Variants in PPFIBP2 observed in about 807,000 individuals in gnomAD.
PPFIBP2 encodes PPFIB scaffold protein 2, also known as liprin-beta-2.
In PPFIBP2, 118 loss-of-function variants were observed where a neutral mutation model predicts 118.3. The ratio of observed to expected loss-of-function variants is 1.00; its 90% CI spans 0.86 to 1.16. The LOEUF is 1.16. Among genes scored for constraint, PPFIBP2 ranks in the 50% most tolerant of loss-of-function variants. The probability of loss-of-function intolerance (pLI) is 0.00; values close to 1 mark genes in which losing one functional copy is unlikely to be tolerated. For synonymous variants in PPFIBP2, 414 were observed against 397.4 expected, an observed-to-expected ratio of 1.04 and a Z score of -0.50; for missense variants, 1,195 against 1,073.1, an observed-to-expected ratio of 1.11 and a Z score of -1.59.
intron 1 of PPFIBP2, among the ~76,000 whole-genome samples, chr11:7,530,055 T>A (rs1003395649): frequency 1.4e-4 from 21 of 152,222 alleles, no homozygotes; most frequent in Admixed American, 1.3e-3. Context: ...GTTGTTTTTT[T>A]AACCCTGATC....
intron 5 of PPFIBP2, chr11:7,598,217 A>C (rs761547590): frequency 3.7e-6 from 1 of 273,418 alleles, no homozygotes. Flanking sequence ...TTATGTGTAC[A>C]TGTACTTTCC....
At position 7,642,491 on chromosome 11, in the gene PPFIBP2, T is replaced by A. The variant is rs975226042; in HGVS notation, c.1646+65T>A. On this transcript the variant is annotated intron_variant, in intron 17 of 23. Transcript: ENST00000299492. ...AAAAAGAAGTATCTCCCTTCAAACCTGCATGGGTGAATCTTTACTCCTGTG... is the reference window on the plus strand; with the variant it reads ...AAAAAGAAGTATCTCCCTTCAAACCAGCATGGGTGAATCTTTACTCCTGTG... The A allele has an allele frequency of 3.9e-5, 59 of 1,526,260 alleles. 2 individuals are homozygous for A. The Middle Eastern group carries it at 5.2e-4, about 13-fold the overall frequency. 94.5% of individuals were successfully genotyped at this position (1,526,260 alleles called of 1,614,324 possible). A position where few individuals can be genotyped will look rare whatever the true frequency, so the allele number is the denominator to read the frequency against.
intron 5 of PPFIBP2, among the ~76,000 whole-genome samples, chr11:7,604,597 C>T (rs1847116118): frequency 6.6e-6 from 1 of 152,064 alleles, no homozygotes; most frequent in Non-Finnish European, 1.5e-5. Flanking sequence ...TCCACACACA[C>T]ACACCCCCAC....
chr11:7,597,356 C>T (rs1020290848), intron 4 of PPFIBP2: 1 of 1,535,778 alleles, frequency 6.5e-7, no homozygotes, highest in African/African-American at 1.4e-5. Context: ...AGAGCAGTGG[C>T]CGAGACTCCC....
At chr11:7,665,243 G>C in the PPFIBP2 span, 1 of 767,600 alleles carries the variant, frequency 1.3e-6, no homozygotes, top group Non-Finnish European at 2.0e-6. Flanking sequence ...ACCCAAAAGA[G>C]GAGAACCAGT....
At chr11:7,634,689 G>T (rs1230438353) in intron 13 of PPFIBP2, 137 bp downstream of exon 13, 3 of 694,708 alleles carry the variant, frequency 4.3e-6, no homozygotes, top group Non-Finnish European at 7.6e-6. Context: ...GGAATTACAT[G>T]AACATTTTGA....
chr11:7,630,249 C>T (rs1215498345), intron 10 of PPFIBP2, among the ~76,000 whole-genome samples: 2 of 152,242 alleles, frequency 1.3e-5, no homozygotes, highest in African/African-American at 4.8e-5. Flanking sequence ...GAAGCCAAGC[C>T]TCTGCCAGGA....
In PPFIBP2 at chr11:7,589,237, A is replaced by C. The variant is rs117957504; in HGVS notation, c.280-3895A>C. 2.4e-4 allele frequency among the ~76,000 whole-genome samples: 36 copies of C among 152,304 alleles called. No individual in the cohort carries two copies. In the East Asian group the frequency reaches 6.4e-3, roughly 27 times the overall value. ...TGGATTGAGCATCCTTAACAAGTAT[A>C]ACGGGGGTGGATGATACTCTCCTTT... On this transcript the variant is annotated intron_variant, in intron 3 of 23. Transcript: ENST00000299492.
intron 3 of PPFIBP2, chr11:7,577,332 T>TGCGTGTGTGTGC (rs111277170): frequency 8.3e-6 from 2 of 240,132 alleles, no homozygotes; most frequent in African/African-American, 2.6e-5. Flanking sequence ...TGTGTGTGTG[T>TGCGTGTGTGTGC]GTGTGTGTGT....
At chr11:7,518,866 G>C (rs75574711) in intron 1 of PPFIBP2, among the ~76,000 whole-genome samples, 6 of 152,180 alleles carry the variant, frequency 3.9e-5, no homozygotes, top group African/African-American at 1.2e-4. Flanking sequence ...GATGGCGCTC[G>C]AGCGAGTATG....
chr11:7,551,595 G>C (rs971866374), intron 2 of PPFIBP2, among the ~76,000 whole-genome samples: 1 of 152,076 alleles, frequency 6.6e-6, no homozygotes, highest in Non-Finnish European at 1.5e-5. Context: ...TTGCCTCTTC[G>C]TATAAAATTT....
chr11:7,657,072 G>A (rs139630693), downstream of PPFIBP2: 3 of 300,406 alleles, frequency 1.0e-5, no homozygotes, highest in African/African-American at 6.5e-5. Context: ...TTTGTGGGAG[G>A]GCAGTGACAT....
chr11:7,640,046 G>A (rs550943176), intron 15 of PPFIBP2, among the ~76,000 whole-genome samples, 176 bp downstream of exon 15: 4 of 152,322 alleles, frequency 2.6e-5, no homozygotes, highest in African/African-American at 4.8e-5. Flanking sequence ...CCCCCTGGGC[G>A]AGCTGTTTTC....
intron 5 of PPFIBP2, among the ~76,000 whole-genome samples, chr11:7,600,192 C>A (rs1327626626): frequency 6.6e-6 from 1 of 152,162 alleles, no homozygotes; most frequent in Non-Finnish European, 1.5e-5. Flanking sequence ...GTGCTCCTTT[C>A]TTAACAAATT....
At chr11:7,663,299 A>T in the PPFIBP2 span, among the ~76,000 whole-genome samples, 2 of 148,210 alleles carry the variant, frequency 1.3e-5, no homozygotes, top group African/African-American at 4.9e-5. Context: ...TTGGTCTTTG[A>T]TGATGGTGAT....
At chr11:7,581,940 G>A (rs1857323745) in intron 3 of PPFIBP2, among the ~76,000 whole-genome samples, 1 of 151,960 alleles carries the variant, frequency 6.6e-6, no homozygotes, top group African/African-American at 2.4e-5. Flanking sequence ...AGCTTCAAGC[G>A]ATTCTCCTGC....
intron 2 of PPFIBP2, among the ~76,000 whole-genome samples, chr11:7,561,202 G>T (rs1854263177): frequency 6.6e-6 from 1 of 152,102 alleles, no homozygotes; most frequent in Non-Finnish European, 1.5e-5. Flanking sequence ...AGTAGCTGGG[G>T]TTACAGGGGC....
intron 8 of PPFIBP2, 33 bp downstream of exon 8, chr11:7,625,924 T>G: frequency 1.9e-6 from 3 of 1,570,656 alleles, no homozygotes; most frequent in Non-Finnish European, 2.6e-6. Context: ...AATGCAGTTG[T>G]CTGGGTCCCT....
chr11:7,651,726 T>A lies in PPFIBP2; in HGVS notation c.2318T>A (p.Leu773His). 6.2e-7 allele frequency: 1 copy of A among 1,614,020 alleles called. No homozygotes were observed. The highest frequency in any genetic ancestry group is 8.5e-7 in the Non-Finnish European group (1 of 1,179,874). The stretch of plus-strand genomic sequence containing the variant: ...AACATCCCCCCACAAAAGACGCTCC[T>A]CAGGCGCCACCTGACCACCAAGTTC... ...LLNIPPQKTLLRRHLTTKFNA... is the reference protein window; with the variant it reads ...LLNIPPQKTLHRRHLTTKFNA... Residue 773 changes from leucine (L) to histidine (H), a missense_variant, in exon 23 of 24, where the codon CTC (leucine) becomes CAC (histidine). Physicochemically the swap from Leu to His is moderately conservative, Grantham distance 99 (BLOSUM62 -3). Coordinates refer to ENST00000299492, the MANE Select transcript of PPFIBP2 (RefSeq NM_003621.5).
Sources: gnomAD v4.1 joint callset for allele counts (sites outside exome capture counted in the v4.1 genomes callset) on GRCh38, gnomAD v4.1.1 for gene constraint, MANE v1.5 for transcripts, NCBI Gene and HGNC (gene_info 2026-07-23, HGNC 2026-07-21) for gene names.